MRO: variants seen among roughly 807,000 people sequenced by gnomAD.
MRO encodes protein maestro.
A neutral mutation model predicts 31.0 loss-of-function variants in MRO; 28 were observed. The observed-to-expected ratio is 0.90, with a 90% confidence interval of 0.67 to 1.24. The LOEUF is 1.24. MRO is among the 50% of genes most tolerant of loss of function. MRO has a pLI of 0.00. For missense variants in MRO, 332 were observed against 289.2 expected (o/e 1.15, Z -1.07); for synonymous variants, 108 against 108.4 (o/e 1.00, Z 0.02).
In MRO at chr18:50,799,261, T is replaced by A; in HGVS notation, c.*76A>T. On this transcript the variant is annotated 3_prime_UTR_variant, in exon 8 of 8. Transcript: ENST00000398439. Reference sequence around the variant, plus strand: ...AAGAGGCAAGCAGTGAGAAGAGGCATCCAGTGAGATAAAACAGGGGAACAT... The same window carrying A: ...AAGAGGCAAGCAGTGAGAAGAGGCAACCAGTGAGATAAAACAGGGGAACAT... The A allele has an allele frequency of 7.8e-7, 1 of 1,278,874 alleles. No homozygotes were observed. 79.2% of individuals were successfully genotyped at this position (1,278,874 alleles called of 1,614,324 possible).
Position 50,819,699 on chromosome 18 carries a change from A to G in MRO, c.-123T>C. 6.4e-7 allele frequency: 1 copy of G among 1,550,410 alleles called. No homozygotes were observed. The stretch of plus-strand genomic sequence containing the variant: ...CTCGGCTAAATTTTCCCAGCCCTGA[A>G]TTCCTAACATACAAGAAGGGAAATT... On this transcript the variant is annotated 5_prime_UTR_variant, in exon 2 of 8. Transcript: ENST00000398439.
chr18:50,821,460 T>G (rs1232690979), upstream of MRO, among the ~76,000 whole-genome samples: 1 of 152,204 alleles, frequency 6.6e-6, no homozygotes, highest in Non-Finnish European at 1.5e-5. Context: ...AGAATGAGGT[T>G]TATACGGCCA....
chr18:50,799,402 T>C lies in MRO; in HGVS notation c.694-12A>G, dbSNP rs368106100. ...GGATGATAGTGGCTCTGAAAGAAAT[T>C]AGCAAAGGTACGCGTGAGGGCAGGA... On this transcript the variant is annotated splice_polypyrimidine_tract_variant and intron_variant, in intron 7 of 7. Transcript: ENST00000398439. 1.6e-5 allele frequency: 26 copies of C among 1,613,332 alleles called. No individual in the cohort carries two copies. Among genetic ancestry groups the C allele is most frequent in the Non-Finnish European group, 2.0e-5 (24 of 1,179,436 alleles).
chr18:50,805,993 C>T (rs1441730401), intron 4 of MRO, among the ~76,000 whole-genome samples: 1 of 151,020 alleles, frequency 6.6e-6, no homozygotes, highest in Non-Finnish European at 1.5e-5. Context: ...TGGAGTCTCG[C>T]TCTGTCGCTC....
intron 5 of MRO, among the ~76,000 whole-genome samples, chr18:50,803,979 G>A (rs1391905420): frequency 1.3e-5 from 2 of 152,220 alleles, no homozygotes; most frequent in Non-Finnish European, 2.9e-5. Flanking sequence ...CGATGTGCCG[G>A]TGCACTTTTT....
chr18:50,804,861 G>A (rs1206794747), intron 5 of MRO, among the ~76,000 whole-genome samples: 4 of 149,788 alleles, frequency 2.7e-5, no homozygotes, highest in African/African-American at 4.9e-5. Context: ...GCGTGATCTC[G>A]GCTCACTGCA....
chr18:50,805,445 C>T, intron 4 of MRO, 109 bp from the exon 5 acceptor site: 1 of 825,730 alleles, frequency 1.2e-6, no homozygotes, highest in Non-Finnish European at 1.9e-6. Context: ...ACTAACACAC[C>T]AGGGCTTTTT....
At chr18:50,817,740 G>GA (rs1440705830) in intron 2 of MRO, among the ~76,000 whole-genome samples, 1 of 152,092 alleles carries the variant, frequency 6.6e-6, no homozygotes, top group Non-Finnish European at 1.5e-5. Context: ...ATGAGAAAGA[G>GA]AAAGAGGTCA....
Position 50,797,730 on chromosome 18 carries a change from T to C in MRO, c.*1607A>G, listed in dbSNP as rs988443120. ...AGTTTAAACCAACCTTGCAACAAAA[T>C]TTCAAAGAGGCCAGCATCCGGGGAG... On this transcript the variant is annotated 3_prime_UTR_variant, in exon 8 of 8. Coordinates refer to ENST00000398439, the MANE Select transcript of MRO (RefSeq NM_031939.6). 6.6e-6 allele frequency: 1 copy of C among 152,136 alleles called. No individual in the cohort carries two copies. Among genetic ancestry groups the C allele is most frequent in the African/African-American group, 2.4e-5 (1 of 41,410 alleles). The allele number at this position is 152,136 out of a possible 1,614,324, so 9.4% of individuals were successfully genotyped here. A position where few individuals can be genotyped will look rare whatever the true frequency, so the allele number is the denominator to read the frequency against.
At position 50,800,163 on chromosome 18, in the gene MRO, T is replaced by C; in HGVS notation, c.586-20A>G. 1 of 1,488,136 alleles carries C rather than the reference T, an allele frequency of 6.7e-7. No individual in the cohort carries two copies. Among genetic ancestry groups the C allele is most frequent in the Non-Finnish European group, 9.3e-7 (1 of 1,073,886 alleles). 92.2% of individuals were successfully genotyped at this position (1,488,136 alleles called of 1,614,324 possible). On this transcript the variant is annotated intron_variant, in intron 6 of 7. Coordinates refer to ENST00000398439, the MANE Select transcript of MRO (RefSeq NM_031939.6). ...GCAAGCCTGAGAAAAATAATATTAC[T>C]ATTTTATTTATTAGAGAGTTCCATA...
intron 2 of MRO, 69 bp downstream of exon 2, chr18:50,819,512 T>C: frequency 2.0e-6 from 3 of 1,536,926 alleles, no homozygotes; most frequent in South Asian, 1.2e-5. Context: ...CAGAAAGGTT[T>C]TGGGAACCCA....
intron 6 of MRO, among the ~76,000 whole-genome samples, chr18:50,800,994 AT>A (rs1257943074): frequency 6.6e-5 from 10 of 152,256 alleles, no homozygotes; most frequent in African/African-American, 2.4e-4. Flanking sequence ...ATGGGTGGAA[AT>A]CTATACCAGG....
chr18:50,800,148 GA>G lies in MRO; in HGVS notation c.586-6del. The stretch of plus-strand genomic sequence containing the variant: ...TTGAAATGTTGTTTTGCAAGCCTGA[GA>G]AAAATAATATTACTATTTTATTTAT... On this transcript the variant is annotated splice_polypyrimidine_tract_variant and splice_region_variant and intron_variant, in intron 6 of 7. Transcript: ENST00000398439. 1 of 1,579,064 alleles carries G rather than the reference GA, an allele frequency of 6.3e-7. No homozygotes were observed. The highest frequency in any genetic ancestry group is 8.7e-7 in the Non-Finnish European group (1 of 1,151,162).
At chr18:50,810,199 A>G (rs1285998461) in intron 2 of MRO, among the ~76,000 whole-genome samples, 1 of 152,152 alleles carries the variant, frequency 6.6e-6, no homozygotes, top group East Asian at 1.9e-4. Flanking sequence ...CTTCTGCCTC[A>G]GCCTCCCAAA....
chr18:50,800,248 T>A, intron 6 of MRO, 105 bp from the exon 7 acceptor site: 1 of 693,890 alleles, frequency 1.4e-6, no homozygotes. Flanking sequence ...AGGGGCCCAC[T>A]GAAAGTGTGA....
chr18:50,812,550 C>G (rs1345800648), intron 2 of MRO, among the ~76,000 whole-genome samples: 2 of 152,110 alleles, frequency 1.3e-5, no homozygotes, highest in African/African-American at 4.8e-5. Context: ...TGTTCTTACT[C>G]ATGCTTTTAG....
rs376194421 is a variant in MRO at position 50,801,435 on chromosome 18, A to G, written c.499T>C (p.Trp167Arg). The change falls in exon 6 of 8, where the codon TGG (tryptophan) becomes CGG (arginine). Residue 167 changes from tryptophan (W) to arginine (R), a missense_variant. Transcript: ENST00000398439. The part of the protein sequence containing the change: ...GQLAAFAGRK[W>R]KKFFTSQVKQ... ...ACCTGACTGGTGAAAAATTTTTTCC[A>G]TTTCCTCCCGGCAAAGGCAGCCAAT... is the stretch of plus-strand genomic sequence containing the variant. 2 of 1,612,386 alleles carry G rather than the reference A, an allele frequency of 1.2e-6. No individual in the cohort carries two copies. Among genetic ancestry groups the G allele is most frequent in the Non-Finnish European group, 1.7e-6 (2 of 1,178,968 alleles).
chr18:50,798,458 T>C lies in MRO; in HGVS notation c.*879A>G, dbSNP rs1465785861. On this transcript the variant is annotated 3_prime_UTR_variant, in exon 8 of 8. Coordinates refer to ENST00000398439, the MANE Select transcript of MRO (RefSeq NM_031939.6). ...GGCAGGATGGCATGATTATTGAGTA[T>C]GGGCTCAAGAAGTCAGACCGTACAT... 3.9e-5 allele frequency: 6 copies of C among 152,198 alleles called. No homozygotes were observed. Among genetic ancestry groups the C allele is most frequent in the South Asian group, 4.1e-4 (2 of 4,834 alleles). The allele number at this position is 152,198 out of a possible 1,614,324, so 9.4% of individuals were successfully genotyped here. A position where few individuals can be genotyped will look rare whatever the true frequency, so the allele number is the denominator to read the frequency against.
At position 50,809,144 on chromosome 18, in the gene MRO, C is replaced by CAAAAAAAAAAAAAAAAA. The variant is rs61728184; in HGVS notation, c.99+141_99+157dup. ...TGGGCGACAGAGCGAGACTCCGTCT[C>CAAAAAAAAAAAAAAAAA]AAAAAAAAAAAAAAAAAAAAAAAAA... On this transcript the variant is annotated intron_variant, in intron 3 of 7. Transcript: ENST00000398439. Among the ~76,000 whole-genome samples, 9 of 99,094 alleles carry CAAAAAAAAAAAAAAAAA rather than the reference C, an allele frequency of 9.1e-5. 1 individual carries two copies. Among genetic ancestry groups the CAAAAAAAAAAAAAAAAA allele is most frequent in the Non-Finnish European group, 1.3e-4 (7 of 52,072 alleles). The allele number at this position is 99,094 out of a possible 152,430, so 65.0% of individuals were successfully genotyped here. A position where few individuals can be genotyped will look rare whatever the true frequency, so the allele number is the denominator to read the frequency against.
Sources: gnomAD v4.1 joint callset for allele counts (sites outside exome capture counted in the v4.1 genomes callset) on GRCh38, gnomAD v4.1.1 for gene constraint, MANE v1.5 for transcripts, NCBI Gene and HGNC (gene_info 2026-07-23, HGNC 2026-07-21) for gene names.